The following SCHIP1 variants were observed in gnomAD, a reference collection of about 807,000 sequenced individuals.
SCHIP1 encodes schwannomin-interacting protein 1.
Under a neutral mutation model 29.7 loss-of-function variants are expected in SCHIP1, and 8 were observed. The ratio of observed to expected loss-of-function variants is 0.27; its 90% CI spans 0.16 to 0.49. SCHIP1 has a LOEUF of 0.49. Ranked by LOEUF, SCHIP1 falls within the 20% of genes least tolerant of loss-of-function variation. SCHIP1 has a pLI of 0.99. For missense variants in SCHIP1, 193 were observed against 294.6 expected, an observed-to-expected ratio of 0.66 and a Z score of 2.52; for synonymous variants, 76 against 94.9, an observed-to-expected ratio of 0.80 and a Z score of 1.16.
chr3:159,342,884 A>G, the SCHIP1 span, among the ~76,000 whole-genome samples: 1,207 of 152,350 alleles, frequency 7.9e-3, 16 homozygotes, highest in African/African-American at 0.028. Flanking sequence ...ATTGTTTATA[A>G]TGTAAATTAG....
At chr3:159,471,127 AAC>A in the SCHIP1 span, among the ~76,000 whole-genome samples, 18 of 152,058 alleles carry the variant, frequency 1.2e-4, no homozygotes, top group African/African-American at 4.1e-4. Flanking sequence ...ACAATAAAAC[AAC>A]ACACACACAC....
chr3:159,622,281 G>A, the SCHIP1 span, among the ~76,000 whole-genome samples: 1 of 152,232 alleles, frequency 6.6e-6, no homozygotes, highest in South Asian at 2.1e-4. Context: ...GTCCAAGACA[G>A]CAATGTCAAC....
the SCHIP1 span, among the ~76,000 whole-genome samples, chr3:159,442,681 T>C: frequency 8.5e-5 from 13 of 152,116 alleles, no homozygotes; most frequent in Non-Finnish European, 1.6e-4. Context: ...TGGCTGCCCA[T>C]GACAACATGG....
the SCHIP1 span, among the ~76,000 whole-genome samples, chr3:159,389,741 G>A: frequency 6.6e-6 from 1 of 151,956 alleles, no homozygotes; most frequent in African/African-American, 2.4e-5. Context: ...AGGCAAAAGA[G>A]GTTTCTGGAT....
chr3:159,421,535 C>T, the SCHIP1 span, among the ~76,000 whole-genome samples: 3 of 152,142 alleles, frequency 2.0e-5, no homozygotes, highest in Non-Finnish European at 2.9e-5. Context: ...ATATGCTTAA[C>T]ATTGGTTGAG....
intron 1 of SCHIP1, among the ~76,000 whole-genome samples, chr3:159,865,729 A>G (rs1675496): frequency 0.27 from 41,342 of 152,104 alleles, 5,997 homozygotes; most frequent in East Asian, 0.6. Context: ...TCTTCTTGCC[A>G]TAGAGAAAAT....
chr3:159,506,417 G>T, the SCHIP1 span, among the ~76,000 whole-genome samples: 2 of 152,280 alleles, frequency 1.3e-5, no homozygotes, highest in Non-Finnish European at 2.9e-5. Flanking sequence ...TCTGTAGGTT[G>T]CCTGTTCACT....
the SCHIP1 span, among the ~76,000 whole-genome samples, chr3:159,421,996 A>C: frequency 6.6e-6 from 1 of 152,234 alleles, no homozygotes; most frequent in Non-Finnish European, 1.5e-5. Flanking sequence ...AAGATTTTCC[A>C]GTGTTATCTT....
chr3:159,734,998 T>G, the SCHIP1 span, among the ~76,000 whole-genome samples: 76 of 152,240 alleles, frequency 5.0e-4, no homozygotes, highest in African/African-American at 1.8e-3. Flanking sequence ...TTGAAAGCTC[T>G]TCCTAAAGCA....
the SCHIP1 span, chr3:159,764,209 C>G: frequency 2.1e-6 from 1 of 481,512 alleles, no homozygotes. The surrounding 1 kb of genome is among the most constrained non-coding windows in gnomAD (Gnocchi z 6.1). Flanking sequence ...CTGGGCACCC[C>G]TTTGCTAATT....
the SCHIP1 span, among the ~76,000 whole-genome samples, chr3:159,612,920 G>C: frequency 4.6e-5 from 7 of 152,076 alleles, no homozygotes; most frequent in East Asian, 1.3e-3. Context: ...GTAGTTTATT[G>C]TGTTTCTATA....
chr3:159,803,955 G>T, the SCHIP1 span, among the ~76,000 whole-genome samples: 1 of 152,330 alleles, frequency 6.6e-6, no homozygotes, highest in East Asian at 1.9e-4. Flanking sequence ...GTAAGGAGAT[G>T]TGCCAAGATT....
chr3:159,579,042 C>T, the SCHIP1 span, among the ~76,000 whole-genome samples: 1 of 152,132 alleles, frequency 6.6e-6, no homozygotes, highest in African/African-American at 2.4e-5. Context: ...TTGCATTATG[C>T]CATACCTAGC....
chr3:159,482,303 C>T, the SCHIP1 span, among the ~76,000 whole-genome samples: 2 of 152,078 alleles, frequency 1.3e-5, no homozygotes, highest in African/African-American at 4.8e-5. Flanking sequence ...ATTTATTGCC[C>T]ATGGCTTCCC....
chr3:159,786,143 A>C, the SCHIP1 span, among the ~76,000 whole-genome samples: 2 of 152,214 alleles, frequency 1.3e-5, no homozygotes, highest in Admixed American at 1.3e-4. Flanking sequence ...CCCTGCAGGA[A>C]ATACCTGGAA....
At chr3:159,607,620 T>C in the SCHIP1 span, among the ~76,000 whole-genome samples, 2 of 151,988 alleles carry the variant, frequency 1.3e-5, no homozygotes, top group African/African-American at 4.8e-5. Context: ...TGAAAGAAAC[T>C]GAGTTTTCAG....
chr3:159,404,103 T>G, the SCHIP1 span, among the ~76,000 whole-genome samples: 1 of 152,166 alleles, frequency 6.6e-6, no homozygotes, highest in African/African-American at 2.4e-5. Flanking sequence ...TAAAGAGCCC[T>G]TGGGCCCTGA....
intron 2 of SCHIP1, among the ~76,000 whole-genome samples, chr3:159,878,822 A>G (rs968490616): frequency 3.3e-5 from 5 of 150,040 alleles, no homozygotes; most frequent in South Asian, 4.1e-4. Context: ...AATAAAAAAT[A>G]AAAAATAAAT....
the SCHIP1 span, among the ~76,000 whole-genome samples, chr3:159,564,753 C>T: frequency 3.9e-5 from 6 of 152,182 alleles, no homozygotes; most frequent in African/African-American, 1.4e-4. Flanking sequence ...TTTCACTCAA[C>T]ATTATGATTT....
Sources: allele counts gnomAD v4.1 joint callset (sites outside exome capture counted in the v4.1 genomes callset), GRCh38; gene constraint gnomAD v4.1.1; non-coding constraint Gnocchi (gnomAD v3.1); transcripts MANE v1.5; gene names NCBI Gene and HGNC (gene_info 2026-07-23, HGNC 2026-07-21).